The following LRFN2 variants were observed in gnomAD, a reference collection of about 807,000 sequenced individuals.
The protein encoded by LRFN2 is leucine-rich repeat and fibronectin type-III domain-containing protein 2.
LRFN2 carries 18 observed loss-of-function variants against 37.3 expected under a neutral mutation model. The observed-to-expected ratio is 0.48, with a 90% CI of 0.33 to 0.72. LRFN2 has a LOEUF of 0.72. Among genes scored for constraint, LRFN2 ranks in the 30% least tolerant of loss-of-function variants. The pLI, the probability that LRFN2 is intolerant of heterozygous loss-of-function variation, is 0.02. For missense variants in LRFN2, 1,006 were observed against 1,060.7 expected (o/e 0.95, Z 0.72); for synonymous variants, 556 against 466.6 (o/e 1.19, Z -2.47).
At chr6:40,435,036 TATATATATATATATATAGAGAGAG>T (rs1181930458) in intron 1 of LRFN2, among the ~76,000 whole-genome samples, 14 of 92,998 alleles carry the variant, frequency 1.5e-4, no homozygotes, top group African/African-American at 6.3e-4. Context: ...TATATATATA[TATATATATATATATATAGAGAGAG>T]AGAGAGAGAG....
At chr6:40,549,189 G>T (rs1301465262) in intron 1 of LRFN2, among the ~76,000 whole-genome samples, 1 of 152,196 alleles carries the variant, frequency 6.6e-6, no homozygotes, top group Non-Finnish European at 1.5e-5. Context: ...AGTCACAACA[G>T]ATTTGTATGT....
chr6:40,432,853 G>T lies in LRFN2; in HGVS notation c.261C>A (p.Thr87=), dbSNP rs1200929492. Residue 87 remains threonine (T), a synonymous_variant, in exon 2 of 3, where the codon ACC becomes ACA. Coordinates refer to ENST00000338305, the MANE Select transcript of LRFN2 (RefSeq NM_020737.3). ...GLVDLTLSRN[T]ISHIQPFSFL... is the part of the protein sequence containing the mutation. ...AGGAAAAGGGCTGGATGTGGCTGAT[G>T]GTGTTCCTGGACAGGGTCAGGTCCA... 6.2e-7 allele frequency: 1 copy of T among 1,614,224 alleles called. No individual in the cohort carries two copies.
chr6:40,584,963 TCTC>T (rs1767475991), intron 1 of LRFN2, among the ~76,000 whole-genome samples: 4 of 152,004 alleles, frequency 2.6e-5, no homozygotes, highest in Admixed American at 2.6e-4. Context: ...CTATCTTGCT[TCTC>T]CTCCTCAGCC....
chr6:40,553,488 G>A (rs1766814905), intron 1 of LRFN2, among the ~76,000 whole-genome samples: 3 of 152,174 alleles, frequency 2.0e-5, no homozygotes, highest in East Asian at 3.9e-4. Context: ...CCAAGTTCAG[G>A]TGACAAGTGA....
chr6:40,441,150 G>C (rs917872478), intron 1 of LRFN2, among the ~76,000 whole-genome samples: 1 of 152,190 alleles, frequency 6.6e-6, no homozygotes, highest in African/African-American at 2.4e-5. Context: ...TAGTTTAATG[G>C]AAAACATCTT....
chr6:40,529,083 G>A (rs978298888), intron 1 of LRFN2, among the ~76,000 whole-genome samples: 2 of 152,302 alleles, frequency 1.3e-5, no homozygotes, highest in African/African-American at 4.8e-5. Flanking sequence ...GCCTCAGGGT[G>A]GAAAATGAAA....
intron 1 of LRFN2, among the ~76,000 whole-genome samples, chr6:40,486,974 T>C (rs1764973197): frequency 6.6e-6 from 1 of 152,186 alleles, no homozygotes; most frequent in Non-Finnish European, 1.5e-5. Flanking sequence ...ATCTTCTGGA[T>C]GCAGAGTGAG....
chr6:40,459,313 G>A (rs1186574495), intron 1 of LRFN2, among the ~76,000 whole-genome samples: 8 of 152,194 alleles, frequency 5.3e-5, no homozygotes, highest in Non-Finnish European at 1.5e-5. Context: ...GAAGTCATAA[G>A]AGTAATAGGC....
intron 2 of LRFN2, among the ~76,000 whole-genome samples, chr6:40,415,311 C>T (rs1763072170): frequency 6.6e-6 from 1 of 152,094 alleles, no homozygotes; most frequent in Non-Finnish European, 1.5e-5. Context: ...CTGCAACCTC[C>T]ACCTCCTGGG....
intron 1 of LRFN2, among the ~76,000 whole-genome samples, chr6:40,498,552 T>C (rs1268187380): frequency 6.6e-6 from 1 of 152,228 alleles, no homozygotes; most frequent in Non-Finnish European, 1.5e-5. Flanking sequence ...CAAATGCAGA[T>C]ATATTCACAT....
intron 1 of LRFN2, among the ~76,000 whole-genome samples, chr6:40,461,399 C>T (rs116332134): frequency 1.0e-3 from 159 of 152,018 alleles, no homozygotes; most frequent in African/African-American, 3.6e-3. Context: ...TAGAGTGAGA[C>T]CCTGACTCTA....
At chr6:40,429,853 C>A (rs1346320414) in intron 2 of LRFN2, among the ~76,000 whole-genome samples, 4 of 151,996 alleles carry the variant, frequency 2.6e-5, no homozygotes, top group Non-Finnish European at 4.4e-5. Context: ...TATTTTAATA[C>A]CATGGGAACT....
At chr6:40,472,307 C>T (rs1764616854) in intron 1 of LRFN2, among the ~76,000 whole-genome samples, 1 of 152,182 alleles carries the variant, frequency 6.6e-6, no homozygotes, top group African/African-American at 2.4e-5. Context: ...GCAGGTGGGG[C>T]TTTGAAAAAA....
chr6:40,415,894 A>C (rs1414897785), intron 2 of LRFN2, among the ~76,000 whole-genome samples: 1 of 152,254 alleles, frequency 6.6e-6, no homozygotes, highest in Non-Finnish European at 1.5e-5. Flanking sequence ...ATGTTCAAAA[A>C]TTAACTGAAC....
At chr6:40,417,231 C>T (rs1002886222) in intron 2 of LRFN2, among the ~76,000 whole-genome samples, 5 of 152,202 alleles carry the variant, frequency 3.3e-5, no homozygotes, top group African/African-American at 7.2e-5. Flanking sequence ...GGCATTTTGA[C>T]GGGTGGTAAA....
At chr6:40,560,238 C>G (rs1428912448) in intron 1 of LRFN2, among the ~76,000 whole-genome samples, 2 of 152,160 alleles carry the variant, frequency 1.3e-5, no homozygotes, top group African/African-American at 4.8e-5. Flanking sequence ...AACGCCTGCA[C>G]CCATCAGGGA....
Position 40,432,595 on chromosome 6 carries a change from G to C in LRFN2, c.519C>G (p.Val173=), listed in dbSNP as rs372694786. 1 of 1,614,230 alleles carries C rather than the reference G, an allele frequency of 6.2e-7. No homozygotes were observed. The highest frequency in any genetic ancestry group is 8.5e-7 in the Non-Finnish European group (1 of 1,180,040). Residue 173 remains valine (V), a synonymous_variant, in exon 2 of 3, where the codon GTC becomes GTG. Coordinates refer to ENST00000338305, the MANE Select transcript of LRFN2 (RefSeq NM_020737.3). ...GGTCCAGGCTCAGCTGGTGGAGGTT[G>C]ACCATGCGTCGCACGGAGTCCCACG... ...GLPWDSVRRM[V]NLHQLSLDHN...
At chr6:40,423,263 C>T (rs2113816224) in intron 2 of LRFN2, among the ~76,000 whole-genome samples, 1 of 152,304 alleles carries the variant, frequency 6.6e-6, no homozygotes, top group East Asian at 1.9e-4. Flanking sequence ...CCCTTAAAAC[C>T]TCATCAGATC....
At chr6:40,472,090 C>T (rs993473930) in intron 1 of LRFN2, among the ~76,000 whole-genome samples, 19 of 152,268 alleles carry the variant, frequency 1.2e-4, no homozygotes, top group South Asian at 2.1e-4. Flanking sequence ...TGCACATGCA[C>T]GGAAATAAAG....
Sources: gnomAD v4.1 joint callset for allele counts (sites outside exome capture counted in the v4.1 genomes callset) on GRCh38, gnomAD v4.1.1 for gene constraint, MANE v1.5 for transcripts, NCBI Gene and HGNC (gene_info 2026-07-23, HGNC 2026-07-21) for gene names.